The following RPUSD2 variants were observed in gnomAD, a reference collection of about 807,000 sequenced individuals.
RPUSD2 encodes pseudouridylate synthase RPUSD2.
A neutral mutation model predicts 41.5 loss-of-function variants in RPUSD2; 31 were observed. The ratio of observed to expected loss-of-function variants is 0.75; its 90% CI spans 0.56 to 1.01. The LOEUF (loss-of-function observed/expected upper bound fraction) is 1.01. RPUSD2 is among the 50% of genes least tolerant of loss of function. RPUSD2 has a pLI of 0.00. For missense variants in RPUSD2, 749 were observed against 724.7 expected (o/e 1.03, Z -0.38); for synonymous variants, 305 against 289.7 (o/e 1.05, Z -0.54).
rs773298967 is a variant in RPUSD2, at chr15:40,569,347, G to A, written c.10G>A (p.Asp4Asn). ...TGGGGGCAGCGTGGTTATGTGGCTG[G>A]ACCGCCGCGGATGGCTCAGGGTTCT... MWLDRRGWLRVLGH... is the reference protein window; with the variant it reads MWLNRRGWLRVLGH... Residue 4 changes from aspartate to asparagine, a missense_variant, in exon 1 of 3, where the codon GAC becomes AAC. Coordinates refer to ENST00000315616, the MANE Select transcript of RPUSD2 (RefSeq NM_152260.3). 1.4e-6 allele frequency: 2 copies of A among 1,478,294 alleles called. No homozygotes were observed. The highest frequency in any genetic ancestry group is 1.5e-5 in the South Asian group (1 of 68,496). The allele number at this position is 1,478,294 out of a possible 1,614,324, so 91.6% of individuals were successfully genotyped here.
intron 1 of RPUSD2, 130 bp downstream of exon 1, chr15:40,570,073 C>T (rs1566989511): frequency 3.2e-6 from 4 of 1,263,418 alleles, no homozygotes; most frequent in South Asian, 1.7e-5. Flanking sequence ...CTAAAGCGTT[C>T]TCGCTTTCAT....
intron 2 of RPUSD2, among the ~76,000 whole-genome samples, chr15:40,573,020 C>CT (rs398026953): frequency 0.027 from 2,628 of 96,654 alleles, 197 homozygotes; most frequent in African/African-American, 0.1. Context: ...CTTTTCTTTT[C>CT]TTTTTTTTTT....
rs556232861 is a variant in RPUSD2 at position 40,571,019 on chromosome 15, G to A, written c.607-585G>A. Among the ~76,000 whole-genome samples the A allele has an allele frequency of 1.1e-4, 17 of 150,742 alleles. No individual in the cohort carries two copies. The South Asian group carries it at 3.5e-3, about 31-fold the overall frequency. ...TTATTTTTTTTTTTTTTGAGACAGA[G>A]TCTTGCTCTGTTGCCCAGGCTGGCG... is the stretch of plus-strand genomic sequence containing the variant. On this transcript the variant is annotated intron_variant, in intron 1 of 2. Coordinates refer to ENST00000315616, the MANE Select transcript of RPUSD2 (RefSeq NM_152260.3).
chr15:40,571,720 TC>T lies in RPUSD2; in HGVS notation c.726del (p.Val243PhefsTer16), dbSNP rs2141673631. ...TGGTTGTAGACAAGCCTTCCTCCAT[TC>T]CCGTTCACCCCTGTGGCCGCTTCCG... ...VVVVDKPSSI[P>X]VHPCGRFRHN... is the part of the protein sequence containing the mutation. On this transcript the variant is annotated frameshift_variant, in exon 2 of 3. Transcript: ENST00000315616. LOFTEE classifies it high-confidence loss of function. The T allele has an allele frequency of 1.9e-6, 3 of 1,614,202 alleles. No homozygotes were observed. Among genetic ancestry groups the T allele is most frequent in the Non-Finnish European group, 2.5e-6 (3 of 1,180,042 alleles).
chr15:40,574,252 A>G lies in RPUSD2; in HGVS notation c.1629A>G (p.Gln543=), dbSNP rs745637576. Residue 543 remains glutamine, a synonymous_variant, in exon 3 of 3, where the codon CAA becomes CAG. Transcript: ENST00000315616. The stretch of plus-strand genomic sequence containing the variant: ...CTGCCTGGGCACAGGATGACTGGCA[A>G]AAGGACTGAGGGTGTGGCCAATGGA... The part of the protein sequence containing the change: ...PMPAWAQDDW[Q]KD 7.4e-6 allele frequency: 12 copies of G among 1,610,776 alleles called. No individual in the cohort carries two copies. Among genetic ancestry groups the G allele is most frequent in the Admixed American group, 5.0e-5 (3 of 59,942 alleles).
rs1285654115 is a variant in RPUSD2, at chr15:40,571,822, C to T, written c.825C>T (p.Arg275=). 6.2e-7 allele frequency: 1 copy of T among 1,614,266 alleles called. No individual in the cohort carries two copies. The change falls in exon 2 of 3, where the codon CGC becomes CGT. Residue 275 remains arginine, a synonymous_variant. Coordinates refer to ENST00000315616, the MANE Select transcript of RPUSD2 (RefSeq NM_152260.3). ...KELHPLHRLD[R]LTSGVLMFAK... ...TACACCCCTTGCATCGGCTTGACCGCCTTACCTCAGGGGTGCTTATGTTTG... is the reference window on the plus strand; with the variant it reads ...TACACCCCTTGCATCGGCTTGACCGTCTTACCTCAGGGGTGCTTATGTTTG...
chr15:40,569,615 C>A lies in RPUSD2; in HGVS notation c.278C>A (p.Ala93Asp). 6.5e-7 allele frequency: 1 copy of A among 1,538,010 alleles called. No homozygotes were observed. The stretch of plus-strand genomic sequence containing the variant: ...GGCGGGGAGCATCCCTCGGCTGCAG[C>A]CCCAGGCCCGGGCAAGCATAAGAAG... ...PVGGEHPSAA[A>D]PGPGKHKKRR... Residue 93 changes from alanine to aspartate, a missense_variant, in exon 1 of 3, where the codon GCC (alanine) becomes GAC (aspartate). Transcript: ENST00000315616.
rs71307498 is a variant in RPUSD2, at chr15:40,569,992, GGTTTTGTTTT to G, written c.606+65_606+74del. The G allele has an allele frequency of 4.2e-6, 6 of 1,412,684 alleles. No homozygotes were observed. In the African/African-American group the frequency reaches 4.3e-5, roughly 10 times the overall value. The allele number at this position is 1,412,684 out of a possible 1,614,324, so 87.5% of individuals were successfully genotyped here. A position where few individuals can be genotyped will look rare whatever the true frequency, so the allele number is the denominator to read the frequency against. ...AGAAGCGGGCGAGGAAAAGGGGCCG[GGTTTTGTTTT>G]GTTTTGTTTTGTTTTTTAGTCTTAG... On this transcript the variant is annotated intron_variant, in intron 1 of 2. Coordinates refer to ENST00000315616, the MANE Select transcript of RPUSD2 (RefSeq NM_152260.3).
chr15:40,569,703 C>G lies in RPUSD2; in HGVS notation c.366C>G (p.Ser122Arg), dbSNP rs771694138. The part of the protein sequence containing the change: ...PPPKKRRTGV[S>R]FGDEHFAETS... The stretch of plus-strand genomic sequence containing the variant: ...CGAAGAAGCGGCGGACCGGGGTGAG[C>G]TTCGGAGATGAGCACTTTGCAGAAA... The change falls in exon 1 of 3, where the codon AGC becomes AGG. Residue 122 changes from serine to arginine, a missense_variant. Physicochemically the swap from Ser to Arg is moderately radical, Grantham distance 110. Coordinates refer to ENST00000315616, the MANE Select transcript of RPUSD2 (RefSeq NM_152260.3). 3 of 1,578,306 alleles carry G rather than the reference C, an allele frequency of 1.9e-6. No individual in the cohort carries two copies. The Admixed American group carries it at 5.6e-5, about 29-fold the overall frequency.
intron 2 of RPUSD2, among the ~76,000 whole-genome samples, chr15:40,573,178 C>T (rs1891178839): frequency 6.6e-6 from 1 of 152,086 alleles, no homozygotes; most frequent in African/African-American, 2.4e-5. Context: ...GCATGCGCCA[C>T]CACGCCTGGC....
chr15:40,569,666 T>G lies in RPUSD2; in HGVS notation c.329T>G (p.Val110Gly), dbSNP rs769318066. Residue 110 changes from valine (V) to glycine (G), a missense_variant, in exon 1 of 3, where the codon GTC (valine) becomes GGC (glycine). Val to Gly is a moderately radical substitution (Grantham distance 109). Transcript: ENST00000315616. ...KKRRGATRER[V>G]VPPPKKRRTG... The stretch of plus-strand genomic sequence containing the variant: ...CGGCGGGGCGCAACCAGGGAGCGTG[T>G]CGTGCCGCCCCCGAAGAAGCGGCGG... 1 of 1,549,770 alleles carries G rather than the reference T, an allele frequency of 6.5e-7. No homozygotes were observed. The highest frequency in any genetic ancestry group is 1.2e-5 in the South Asian group (1 of 82,728).
intron 1 of RPUSD2, among the ~76,000 whole-genome samples, chr15:40,570,993 T>C (rs551649702): frequency 6.7e-6 from 1 of 148,864 alleles, no homozygotes; most frequent in African/African-American, 2.6e-5. Flanking sequence ...ACCTTGATTA[T>C]TTATTTTTTT....
At chr15:40,570,682 G>A (rs1274367473) in intron 1 of RPUSD2, among the ~76,000 whole-genome samples, 1 of 152,184 alleles carries the variant, frequency 6.6e-6, no homozygotes, top group East Asian at 1.9e-4. Flanking sequence ...TACAGCATTT[G>A]GGGAATGGAT....
chr15:40,574,323 G>A lies in RPUSD2; in HGVS notation c.*62G>A. Reference sequence around the variant, plus strand: ...GACAAGGATGGGCTATAGGGCAAGGGCTGACCCCATGGGCTAGTACTTGGG... The same window carrying A: ...GACAAGGATGGGCTATAGGGCAAGGACTGACCCCATGGGCTAGTACTTGGG... On this transcript the variant is annotated 3_prime_UTR_variant, in exon 3 of 3. Coordinates refer to ENST00000315616, the MANE Select transcript of RPUSD2 (RefSeq NM_152260.3). 1 of 1,549,776 alleles carries A rather than the reference G, an allele frequency of 6.5e-7. No individual in the cohort carries two copies. The highest frequency in any genetic ancestry group is 1.2e-5 in the South Asian group (1 of 81,300).
intron 2 of RPUSD2, among the ~76,000 whole-genome samples, chr15:40,573,120 G>A (rs978615121): frequency 2.1e-5 from 3 of 145,078 alleles, no homozygotes; most frequent in Non-Finnish European, 4.5e-5. Context: ...CGCCTCCTGG[G>A]TTCAAGCAAT....
rs1404092627 is a variant in RPUSD2 at position 40,574,398 on chromosome 15, C to A, written c.*137C>A. ...TTCTAAAGAGACCTGCTCATACTTG[C>A]TACCTCCTTCCAGTGGGAATTTGGA... On this transcript the variant is annotated 3_prime_UTR_variant, in exon 3 of 3. Transcript: ENST00000315616. 11 of 990,730 alleles carry A rather than the reference C, an allele frequency of 1.1e-5. No individual in the cohort carries two copies. In the East Asian group the frequency reaches 2.3e-4, roughly 21 times the overall value. The allele number at this position is 990,730 out of a possible 1,614,324, so 61.4% of individuals were successfully genotyped here. A position where few individuals can be genotyped will look rare whatever the true frequency, so the allele number is the denominator to read the frequency against.
At chr15:40,571,431 GTGTC>G (rs1483287599) in intron 1 of RPUSD2, among the ~76,000 whole-genome samples, 169 bp from the exon 2 acceptor site, 3 of 151,716 alleles carry the variant, frequency 2.0e-5, no homozygotes, top group African/African-American at 7.2e-5. Flanking sequence ...CTATCTGCCT[GTGTC>G]TGTCTGTATT....
rs201371987 is a variant in RPUSD2, at chr15:40,573,923, G to A, written c.1300G>A (p.Asp434Asn). The A allele has an allele frequency of 1.3e-4, 216 of 1,614,120 alleles. No individual in the cohort carries two copies. In the South Asian group the frequency reaches 2.3e-3, roughly 17 times the overall value. Residue 434 changes from aspartate (D) to asparagine (N), a missense_variant, in exon 3 of 3, where the codon GAC becomes AAC. Asp to Asn is a conservative substitution (Grantham distance 23, BLOSUM62 1). Coordinates refer to ENST00000315616, the MANE Select transcript of RPUSD2 (RefSeq NM_152260.3). ...SLDVLDLCEG[D>N]LSPGLTDSTA... ...GGATGTGCTAGATCTCTGTGAGGGT[G>A]ACCTGTCCCCAGGACTCACAGACTC...
At position 40,574,229 on chromosome 15, in the gene RPUSD2, G is replaced by T; in HGVS notation, c.1606G>T (p.Ala536Ser). ...CTTTGAGTACTTTTCACCAATGCCT[G>T]CCTGGGCACAGGATGACTGGCAAAA... ...PGFEYFSPMP[A>S]WAQDDWQKD is the part of the protein sequence containing the mutation. The change falls in exon 3 of 3, where the codon GCC (alanine) becomes TCC (serine). Residue 536 changes from alanine (A) to serine (S), a missense_variant. Ala to Ser is a moderately conservative substitution (Grantham distance 99, BLOSUM62 1). Transcript: ENST00000315616. The T allele has an allele frequency of 6.2e-7, 1 of 1,612,686 alleles. No homozygotes were observed. Among genetic ancestry groups the T allele is most frequent in the Non-Finnish European group, 8.5e-7 (1 of 1,179,862 alleles).
Sources: gnomAD v4.1 joint callset for allele counts (sites outside exome capture counted in the v4.1 genomes callset) on GRCh38, gnomAD v4.1.1 for gene constraint, MANE v1.5 for transcripts, NCBI Gene and HGNC (gene_info 2026-07-23, HGNC 2026-07-21) for gene names.